Variants in ATAD3C observed in about 807,000 individuals in gnomAD.
ATAD3C encodes the protein ATPase family AAA domain containing 3C.
ATAD3C carries 38 observed loss-of-function variants against 46.3 expected under a neutral mutation model. The ratio of observed to expected loss-of-function variants is 0.82; its 90% confidence interval spans 0.63 to 1.08. The LOEUF is 1.08. Ranked by LOEUF, ATAD3C falls within the 50% of genes least tolerant of loss-of-function variation. The pLI is 0.00. For synonymous variants in ATAD3C, 220 were observed against 236.4 expected (o/e 0.93, Z 0.63); for missense variants, 563 against 572.7 (o/e 0.98, Z 0.17).
intron 6 of ATAD3C, 149 bp downstream of exon 6, chr1:1,456,065 A>G (rs1638956126): frequency 6.9e-7 from 1 of 1,456,560 alleles, no homozygotes. Flanking sequence ...TGTGGGCAGC[A>G]GCGCCTCCCA....
chr1:1,464,399 A>G (rs1299368524), intron 11 of ATAD3C, among the ~76,000 whole-genome samples: 1 of 151,748 alleles, frequency 6.6e-6, no homozygotes, highest in East Asian at 1.9e-4. Context: ...TGTCCCTTAT[A>G]AGGACACTCA....
chr1:1,453,581 C>G (rs528419571), intron 3 of ATAD3C, among the ~76,000 whole-genome samples: 32 of 152,022 alleles, frequency 2.1e-4, no homozygotes, highest in African/African-American at 7.7e-4. Context: ...AAGTGATCCA[C>G]CCATCTTGGC....
chr1:1,460,990 A>G, intron 10 of ATAD3C, 73 bp downstream of exon 10: 1 of 1,488,028 alleles, frequency 6.7e-7, no homozygotes, highest in East Asian at 2.5e-5. Flanking sequence ...TGTTCTCCGG[A>G]CACACCCAGC....
At chr1:1,468,333 G>A in intron 11 of ATAD3C, 51 bp from the exon 12 acceptor site, 1 of 1,574,838 alleles carries the variant, frequency 6.3e-7, no homozygotes, top group East Asian at 2.3e-5. Flanking sequence ...CGTGCATTTG[G>A]GGTGGGGGGT....
At position 1,469,295 on chromosome 1, in the gene ATAD3C, A is replaced by T. The variant is rs1331236961; in HGVS notation, c.*765A>T. 1 of 149,624 alleles carries T rather than the reference A, an allele frequency of 6.7e-6. No individual in the cohort carries two copies. The highest frequency in any genetic ancestry group is 1.5e-5 in the Non-Finnish European group (1 of 67,218). The allele number at this position is 149,624 out of a possible 1,614,324, so 9.3% of individuals were successfully genotyped here. On this transcript the variant is annotated 3_prime_UTR_variant, in exon 12 of 12. Coordinates refer to ENST00000378785, the MANE Select transcript of ATAD3C (RefSeq NM_001039211.3). Reference sequence around the variant, plus strand: ...GAGTCAAACTCCCTCTAAAAAAAAAAAAAAAAAAAGGGCCAGGTGGCACAT... The same window carrying T: ...GAGTCAAACTCCCTCTAAAAAAAAATAAAAAAAAAGGGCCAGGTGGCACAT...
chr1:1,455,043 A>G (rs1278973928), intron 4 of ATAD3C, among the ~76,000 whole-genome samples: 1 of 150,472 alleles, frequency 6.6e-6, no homozygotes, highest in Admixed American at 6.6e-5. Flanking sequence ...GTGAAACCCC[A>G]TCTCTACTAA....
In ATAD3C at chr1:1,468,365, C is replaced by T. The variant is rs1639178640; in HGVS notation, c.1090-19C>T. 1.9e-6 allele frequency: 3 copies of T among 1,596,178 alleles called. No individual in the cohort carries two copies. Among genetic ancestry groups the T allele is most frequent in the Admixed American group, 1.8e-5 (1 of 54,434 alleles). The stretch of plus-strand genomic sequence containing the variant: ...GGGTTCCCATGGCGGCCTCCCTCAG[C>T]TCCCTCTCTCCCCACTAGGCCACGG... On this transcript the variant is annotated intron_variant, in intron 11 of 11. Coordinates refer to ENST00000378785, the MANE Select transcript of ATAD3C (RefSeq NM_001039211.3).
chr1:1,452,204 C>T (rs1638872672), intron 2 of ATAD3C, 82 bp downstream of exon 2: 6 of 1,586,568 alleles, frequency 3.8e-6, no homozygotes, highest in Non-Finnish European at 5.2e-6. Flanking sequence ...CTCTCCAGCT[C>T]TCCCAGGTCT....
intron 8 of ATAD3C, among the ~76,000 whole-genome samples, chr1:1,457,561 A>C (rs1216784147): frequency 3.8e-5 from 5 of 131,124 alleles, no homozygotes; most frequent in South Asian, 2.5e-4. Context: ...GTGCTGCTGC[A>C]CTCCAGCCTG....
chr1:1,450,823 A>G (rs1638846450), intron 1 of ATAD3C, 65 bp downstream of exon 1: 8 of 1,601,094 alleles, frequency 5.0e-6, no homozygotes, highest in Middle Eastern at 2.2e-4. Flanking sequence ...GGAGATTGGT[A>G]GGGCTACTGC....
At position 1,462,160 on chromosome 1, in the gene ATAD3C, G is replaced by A. The variant is rs567868064; in HGVS notation, c.981-440G>A. ...CTCCCCTGCCGACCCCTCCACTGCC[G>A]CCTGCTCCATGCTAGACCAGCTTTC... On this transcript the variant is annotated intron_variant, in intron 10 of 11. Coordinates refer to ENST00000378785, the MANE Select transcript of ATAD3C (RefSeq NM_001039211.3). The surrounding 1 kb of genome is among the most constrained non-coding windows in gnomAD (Gnocchi z 4.5). Among the ~76,000 whole-genome samples, 17 of 152,110 alleles carry A rather than the reference G, an allele frequency of 1.1e-4. 1 individual carries two copies. The South Asian group carries it at 2.3e-3, about 20-fold the overall frequency.
chr1:1,454,633 C>T (rs1638922253), intron 4 of ATAD3C, 133 bp downstream of exon 4: 12 of 1,421,658 alleles, frequency 8.4e-6, no homozygotes, highest in South Asian at 5.9e-5. Context: ...CGCTGCTTCA[C>T]GGGTGGGTTT....
At position 1,459,458 on chromosome 1, in the gene ATAD3C, C is replaced by T. The variant is rs1639021439; in HGVS notation, c.812+227C>T. Among the ~76,000 whole-genome samples, 1 of 151,918 alleles carries T rather than the reference C, an allele frequency of 6.6e-6. No individual in the cohort carries two copies. Among genetic ancestry groups the T allele is most frequent in the South Asian group, 2.1e-4 (1 of 4,820 alleles). On this transcript the variant is annotated intron_variant, in intron 9 of 11. Coordinates refer to ENST00000378785, the MANE Select transcript of ATAD3C (RefSeq NM_001039211.3). This position sits in a 1 kb window ranked among gnomAD's most constrained non-coding sequence, Gnocchi z 4.9. ...CGGGCAGAGCTGGGGTCAGTCCTGT[C>T]CTCACGGCCCTGTGCACCGCCGCCC... is the stretch of plus-strand genomic sequence containing the variant.
At chr1:1,452,861 C>G (rs2100473227) in intron 3 of ATAD3C, among the ~76,000 whole-genome samples, 1 of 151,754 alleles carries the variant, frequency 6.6e-6, no homozygotes, top group East Asian at 1.9e-4. Flanking sequence ...CTCCATTTTG[C>G]AAAAACCCTC....
At chr1:1,454,701 C>T (rs1638923118) in intron 4 of ATAD3C, among the ~76,000 whole-genome samples, 1 of 151,740 alleles carries the variant, frequency 6.6e-6, no homozygotes, top group Admixed American at 6.6e-5. Flanking sequence ...CCCTGTCTGC[C>T]TCGGTGTCCC....
At position 1,452,473 on chromosome 1, in the gene ATAD3C, G is replaced by A. The variant is rs555532088; in HGVS notation, c.222+39G>A. The A allele has an allele frequency of 2.4e-5, 38 of 1,613,052 alleles. 2 individuals carry two copies. The Middle Eastern group carries it at 5.1e-4, about 22-fold the overall frequency. Reference sequence around the variant, plus strand: ...TAAAACAGGGCTGGCAGGTGGCTGAGGGGCAGCATGTGGGGGCCTCCTGGA... The same window carrying A: ...TAAAACAGGGCTGGCAGGTGGCTGAAGGGCAGCATGTGGGGGCCTCCTGGA... On this transcript the variant is annotated intron_variant, in intron 3 of 11. Coordinates refer to ENST00000378785, the MANE Select transcript of ATAD3C (RefSeq NM_001039211.3).
chr1:1,451,990 G>A, intron 1 of ATAD3C, 56 bp from the exon 2 acceptor site: 1 of 1,602,492 alleles, frequency 6.2e-7, no homozygotes, highest in Admixed American at 1.7e-5. Context: ...CTGGATTGGT[G>A]TTGAGCATTT....
In ATAD3C at chr1:1,462,337, C is replaced by T. The variant is rs1639082248; in HGVS notation, c.981-263C>T. The T allele has an allele frequency of 2.4e-6, 1 of 409,258 alleles. No homozygotes were observed. The highest frequency in any genetic ancestry group is 4.7e-6 in the Non-Finnish European group (1 of 214,996). 25.4% of individuals were successfully genotyped at this position (409,258 alleles called of 1,614,324 possible). On this transcript the variant is annotated intron_variant, in intron 10 of 11. Transcript: ENST00000378785. This position sits in a 1 kb window ranked among gnomAD's most constrained non-coding sequence, Gnocchi z 4.5. ...GCTCTGCCACTGCCAGTTTAACGGC[C>T]ATGCGCCCTGTGGGTGCTGAGTGGA...
intron 7 of ATAD3C, 34 bp from the exon 8 acceptor site, chr1:1,457,095 C>A (rs781678489): frequency 1.2e-6 from 2 of 1,612,488 alleles, no homozygotes; most frequent in South Asian, 1.1e-5. Context: ...CCTGGCATCA[C>A]TCTCACCCAG....
Sources: gnomAD v4.1 joint callset for allele counts (sites outside exome capture counted in the v4.1 genomes callset) on GRCh38, gnomAD v4.1.1 for gene constraint, Gnocchi (gnomAD v3.1) non-coding constraint, MANE v1.5 for transcripts, NCBI Gene and HGNC (gene_info 2026-07-23, HGNC 2026-07-21) for gene names.